NOTCH4: variants seen among roughly 807,000 people sequenced by gnomAD.
The protein encoded by NOTCH4 is neurogenic locus notch homolog protein 4.
Under a neutral mutation model 189.0 loss-of-function variants are expected in NOTCH4, and 138 were observed. That is an observed-to-expected ratio of 0.73 (90% CI 0.64 to 0.84). NOTCH4 has a LOEUF of 0.84. Among genes scored for constraint, NOTCH4 ranks in the 40% least tolerant of loss-of-function variants. The probability of loss-of-function intolerance (pLI) is 0.00; values close to 1 mark genes in which losing one functional copy is unlikely to be tolerated. For missense variants in NOTCH4, 2,286 were observed against 2,605.4 expected (o/e 0.88, Z 2.67); for synonymous variants, 942 against 1,032.8 (o/e 0.91, Z 1.69).
At position 32,220,481 on chromosome 6, in the gene NOTCH4, A is replaced by C; in HGVS notation, c.1083T>G (p.Ala361=). ...AGGTGGATCCCGGGGCACAGGTGGC[A>C]GCAATACAGTCATCCAGGTTCTCCT... ...SCEENLDDCI[A]ATCAPGSTCI... is the part of the protein sequence containing the mutation. The change falls in exon 6 of 30, where the codon GCT becomes GCG. Residue 361 remains alanine (A), a synonymous_variant. Transcript: ENST00000375023. 1 of 1,613,780 alleles carries C rather than the reference A, an allele frequency of 6.2e-7. No individual in the cohort carries two copies. Among genetic ancestry groups the C allele is most frequent in the South Asian group, 1.1e-5 (1 of 91,086 alleles).
At position 32,218,026 on chromosome 6, in the gene NOTCH4, C is replaced by G. The variant is rs1789522090; in HGVS notation, c.1593G>C (p.Leu531=). 6.2e-7 allele frequency: 1 copy of G among 1,613,748 alleles called. No homozygotes were observed. The highest frequency in any genetic ancestry group is 8.5e-7 in the Non-Finnish European group (1 of 1,179,756). ...GGCAGATGCACTGGAAGCCGTTGAG[C>G]AGGTCATGGCAATCCGCGTGGTTCA... is the stretch of plus-strand genomic sequence containing the variant. ...PCLNHADCHD[L]LNGFQCICLP... is the part of the protein sequence containing the mutation. The change falls in exon 9 of 30, where the codon CTG becomes CTC. Residue 531 remains leucine, a synonymous_variant. Coordinates refer to ENST00000375023, the MANE Select transcript of NOTCH4 (RefSeq NM_004557.4).
At chr6:32,213,623 G>A (rs775634579) in intron 14 of NOTCH4, 65 bp downstream of exon 14, 2 of 1,545,526 alleles carry the variant, frequency 1.3e-6, no homozygotes, top group Non-Finnish European at 1.8e-6. Flanking sequence ...TATGACACAA[G>A]CATACCCTCC....
Position 32,210,686 on chromosome 6 carries a change from C to A in NOTCH4, c.2865+66G>T. On this transcript the variant is annotated intron_variant, in intron 18 of 29. Transcript: ENST00000375023. This position sits in a 1 kb window ranked among gnomAD's most constrained non-coding sequence, Gnocchi z 4.8. ...TGGATACATTGGGTCTTCCCTCAGTCACTACTGTCTCTCCCATCCAGCCCA... is the reference window on the plus strand; with the variant it reads ...TGGATACATTGGGTCTTCCCTCAGTAACTACTGTCTCTCCCATCCAGCCCA... 1 of 1,496,248 alleles carries A rather than the reference C, an allele frequency of 6.7e-7. No homozygotes were observed. The highest frequency in any genetic ancestry group is 1.1e-5 in the South Asian group (1 of 87,600). The allele number at this position is 1,496,248 out of a possible 1,614,324, so 92.7% of individuals were successfully genotyped here.
chr6:32,213,755 G>A lies in NOTCH4; in HGVS notation c.2253C>T (p.Tyr751=). The change falls in exon 14 of 30, where the codon TAC becomes TAT. Residue 751 remains tyrosine (Y), a synonymous_variant. Transcript: ENST00000375023. ...TGTGGCTTGGAGGGCAGGTGCAGTA[G>A]TAGCCTCCAGGGCTAGGGTTGCAGG... ...GGSCNPSPGG[Y]YCTCPPSHTG... The A allele has an allele frequency of 6.2e-7, 1 of 1,612,618 alleles. No individual in the cohort carries two copies. Among genetic ancestry groups the A allele is most frequent in the Non-Finnish European group, 8.5e-7 (1 of 1,179,994 alleles).
intron 2 of NOTCH4, 35 bp from the exon 3 acceptor site, chr6:32,222,841 G>A (rs1239972929): frequency 6.2e-7 from 1 of 1,604,762 alleles, no homozygotes; most frequent in South Asian, 1.1e-5. Context: ...TCACATCACT[G>A]GTCCCTCTTC....
Position 32,210,531 on chromosome 6 carries a change from G to A in NOTCH4, c.2865+221C>T, listed in dbSNP as rs1346776836. On this transcript the variant is annotated intron_variant, in intron 18 of 29. Coordinates refer to ENST00000375023, the MANE Select transcript of NOTCH4 (RefSeq NM_004557.4). This position sits in a 1 kb window ranked among gnomAD's most constrained non-coding sequence, Gnocchi z 4.8. ...AGTATCTATCTGGAACGCAACAAAG[G>A]TCAGGACTCAGGCAGTGGGACAAAG... Among the ~76,000 whole-genome samples, 1 of 152,186 alleles carries A rather than the reference G, an allele frequency of 6.6e-6. No individual in the cohort carries two copies. The highest frequency in any genetic ancestry group is 1.5e-5 in the Non-Finnish European group (1 of 68,036).
rs115418659 is a variant in NOTCH4 at position 32,199,755 on chromosome 6, A to G, written c.4316-610T>C. On this transcript the variant is annotated intron_variant, in intron 23 of 29. Coordinates refer to ENST00000375023, the MANE Select transcript of NOTCH4 (RefSeq NM_004557.4). This position sits in a 1 kb window ranked among gnomAD's most constrained non-coding sequence, Gnocchi z 4.9. ...AATTATCAGGGCATGGTGGCATGCC[A>G]TTGTAATTCCAGCTACTCAGTAGTC... Among the ~76,000 whole-genome samples the G allele has an allele frequency of 0.012, 1,837 of 152,198 alleles. 13 individuals are homozygous for G. The highest frequency in any genetic ancestry group is 0.018 in the Non-Finnish European group (1,196 of 68,006).
intron 11 of NOTCH4, chr6:32,216,601 A>G: frequency 2.4e-6 from 1 of 424,286 alleles, no homozygotes. Context: ...AAGTCACATG[A>G]AGATGGCAAC....
rs1788617901 is a variant in NOTCH4 at position 32,205,530 on chromosome 6, AG to A, written c.2866-1142del. Among the ~76,000 whole-genome samples, 3 of 123,588 alleles carry A rather than the reference AG, an allele frequency of 2.4e-5. No homozygotes were observed. In the South Asian group the frequency reaches 9.5e-4, roughly 39 times the overall value. The allele number at this position is 123,588 out of a possible 152,430, so 81.1% of individuals were successfully genotyped here. A position where few individuals can be genotyped will look rare whatever the true frequency, so the allele number is the denominator to read the frequency against. On this transcript the variant is annotated intron_variant, in intron 18 of 29. Transcript: ENST00000375023. ...GCCACTGTACTCTAGCCGGGGCAAC[AG>A]AGTGAGATGCTGTCTCAAAAAAAAA...
chr6:32,219,456 T>C lies in NOTCH4; in HGVS notation c.1510+136A>G, dbSNP rs535736127. 1.8e-5 allele frequency: 14 copies of C among 789,186 alleles called. 1 individual carries two copies. Among genetic ancestry groups the C allele is most frequent in the South Asian group, 5.5e-5 (3 of 54,488 alleles). The allele number at this position is 789,186 out of a possible 1,614,324, so 48.9% of individuals were successfully genotyped here. On this transcript the variant is annotated intron_variant, in intron 8 of 29. Transcript: ENST00000375023. ...TCTTGGGTGTCCCTGAGTTTTCGTC[T>C]GGGGGTAGAGAGAGAAGCATCTGTG...
rs770780305 is a variant in NOTCH4, at chr6:32,199,095, C to A, written c.4366G>T (p.Gly1456Trp). 1.9e-6 allele frequency: 3 copies of A among 1,612,154 alleles called. No homozygotes were observed. Among genetic ancestry groups the A allele is most frequent in the Non-Finnish European group, 2.5e-6 (3 of 1,179,648 alleles). The change falls in exon 24 of 30, where the codon GGG (glycine) becomes TGG (tryptophan). Residue 1456 changes from glycine to tryptophan, a missense_variant. Physicochemically the swap from Gly to Trp is radical, Grantham distance 184. Transcript: ENST00000375023. This position sits in a 1 kb window ranked among gnomAD's most constrained non-coding sequence, Gnocchi z 4.9. ...GCCCCTAGGGCCAGGAGAATCACCC[C>A]GGCCACTGGGGAGCACAGCACAGGC... The part of the protein sequence containing the change: ...PWPVLCSPVA[G>W]VILLALGALL...
chr6:32,210,662 G>T lies in NOTCH4; in HGVS notation c.2865+90C>A. 1 of 1,265,058 alleles carries T rather than the reference G, an allele frequency of 7.9e-7. No individual in the cohort carries two copies. The highest frequency in any genetic ancestry group is 1.2e-5 in the South Asian group (1 of 80,146). 78.4% of individuals were successfully genotyped at this position (1,265,058 alleles called of 1,614,324 possible). On this transcript the variant is annotated intron_variant, in intron 18 of 29. Coordinates refer to ENST00000375023, the MANE Select transcript of NOTCH4 (RefSeq NM_004557.4). The surrounding 1 kb of genome is among the most constrained non-coding windows in gnomAD (Gnocchi z 4.8). The stretch of plus-strand genomic sequence containing the variant: ...TAAAAAAAATAAAAGGAGGTGAAAT[G>T]GATACATTGGGTCTTCCCTCAGTCA...
intron 8 of NOTCH4, among the ~76,000 whole-genome samples, chr6:32,219,278 T>C (rs1402604962): frequency 6.6e-6 from 1 of 152,226 alleles, no homozygotes. Context: ...AGAAAGTTTA[T>C]GAACTGCTCT....
In NOTCH4 at chr6:32,213,164, C is replaced by T; in HGVS notation, c.2409G>A (p.Glu803=). 6 of 1,613,982 alleles carry T rather than the reference C, an allele frequency of 3.7e-6. No individual in the cohort carries two copies. The highest frequency in any genetic ancestry group is 5.1e-6 in the Non-Finnish European group (6 of 1,179,924). ...CTGCACAGCTGGGGCGGAGCTTTCC[C>T]TCACAGCGCGGGCCCTGGAAGCCCA... The part of the protein sequence containing the change: ...CAMGFQGPRC[E]GKLRPSCADS... Residue 803 remains glutamate (E), a synonymous_variant, in exon 15 of 30, where the codon GAG becomes GAA. Transcript: ENST00000375023.
chr6:32,214,108 A>G lies in NOTCH4; in HGVS notation c.2167+2T>C. The G allele has an allele frequency of 6.2e-7, 1 of 1,606,260 alleles. No individual in the cohort carries two copies. Among genetic ancestry groups the G allele is most frequent in the Non-Finnish European group, 8.5e-7 (1 of 1,176,916 alleles). On this transcript the variant is annotated splice_donor_variant, in intron 13 of 29. Transcript: ENST00000375023. LOFTEE classifies it high-confidence loss of function. ...GTGTATATGGTTTAGGGAGGGTCTC[A>G]CCTGTGTAGCCTGTAGGGCAGGTGC...
chr6:32,195,398 G>T lies in NOTCH4; in HGVS notation c.*39C>A, dbSNP rs1234300001. ...AGGCCTTCCAGCCTGCCTTTTAATG[G>T]GTAATCATTTTTGGAATTCCTCCCT... is the stretch of plus-strand genomic sequence containing the variant. On this transcript the variant is annotated 3_prime_UTR_variant, in exon 30 of 30. Coordinates refer to ENST00000375023, the MANE Select transcript of NOTCH4 (RefSeq NM_004557.4). The surrounding 1 kb of genome is among the most constrained non-coding windows in gnomAD (Gnocchi z 5.4). The T allele has an allele frequency of 6.6e-7, 1 of 1,523,858 alleles. No individual in the cohort carries two copies. Among genetic ancestry groups the T allele is most frequent in the South Asian group, 1.3e-5 (1 of 77,476 alleles). 94.4% of individuals were successfully genotyped at this position (1,523,858 alleles called of 1,614,324 possible). A position where few individuals can be genotyped will look rare whatever the true frequency, so the allele number is the denominator to read the frequency against.
rs1338114324 is a variant in NOTCH4 at position 32,212,274 on chromosome 6, A to T, written c.2680+200T>A. Among the ~76,000 whole-genome samples the T allele has an allele frequency of 2.0e-5, 3 of 152,128 alleles. No homozygotes were observed. The highest frequency in any genetic ancestry group is 4.4e-5 in the Non-Finnish European group (3 of 68,028). The stretch of plus-strand genomic sequence containing the variant: ...GTTGGTGTTGCTTGAATTGCGTTAA[A>T]TGAGGTAACAGGAATTGTGTTAGGC... On this transcript the variant is annotated intron_variant, in intron 17 of 29. Transcript: ENST00000375023. This position sits in a 1 kb window ranked among gnomAD's most constrained non-coding sequence, Gnocchi z 4.4.
chr6:32,213,797 T>A lies in NOTCH4; in HGVS notation c.2211A>T (p.Pro737=). 1 of 1,611,802 alleles carries A rather than the reference T, an allele frequency of 6.2e-7. No homozygotes were observed. Among genetic ancestry groups the A allele is most frequent in the Middle Eastern group, 1.9e-4 (1 of 5,290 alleles). ...SEEMTACHSG[P]CLNGGSCNPS... ...GGTTGCAGGAGCCGCCATTGAGACA[T>A]GGCCCTGAGTGACAAGCTGTCATCT... Residue 737 remains proline (P), a synonymous_variant, in exon 14 of 30, where the codon CCA becomes CCT. Transcript: ENST00000375023.
At position 32,217,927 on chromosome 6, in the gene NOTCH4, C is replaced by G; in HGVS notation, c.1624+68G>C. 1 of 1,050,398 alleles carries G rather than the reference C, an allele frequency of 9.5e-7. No individual in the cohort carries two copies. The highest frequency in any genetic ancestry group is 2.5e-5 in the East Asian group (1 of 39,928). The allele number at this position is 1,050,398 out of a possible 1,614,324, so 65.1% of individuals were successfully genotyped here. On this transcript the variant is annotated intron_variant, in intron 9 of 29. Transcript: ENST00000375023. The surrounding 1 kb of genome is among the most constrained non-coding windows in gnomAD (Gnocchi z 4.2). ...AGCTTCAAGTGGCCTTGGGTGATTG[C>G]TGAGCCTGAACTCTGCAGGTTCAGA...
Sources: allele counts gnomAD v4.1 joint callset (sites outside exome capture counted in the v4.1 genomes callset), GRCh38; gene constraint gnomAD v4.1.1; non-coding constraint Gnocchi (gnomAD v3.1); transcripts MANE v1.5; gene names NCBI Gene and HGNC (gene_info 2026-07-23, HGNC 2026-07-21).